Variants in PCDHGA7 observed in about 807,000 individuals in gnomAD.
The protein encoded by PCDHGA7 is protocadherin gamma-A7.
A neutral mutation model predicts 58.3 loss-of-function variants in PCDHGA7; 44 were observed. The ratio of observed to expected loss-of-function variants is 0.75; its 90% CI spans 0.59 to 0.97. The LOEUF (loss-of-function observed/expected upper bound fraction) is 0.97, where lower values mean the gene tolerates loss of function less well. Among genes scored for constraint, PCDHGA7 ranks in the 50% least tolerant of loss-of-function variants. PCDHGA7 has a pLI of 0.00. For missense variants in PCDHGA7, 1,266 were observed against 1,188.7 expected, an observed-to-expected ratio of 1.06 and a Z score of -0.96; for synonymous variants, 516 against 504.2, an observed-to-expected ratio of 1.02 and a Z score of -0.31.
At chr5:141,398,207 C>T (rs1368284039) in intron 1 of PCDHGA7, 3 of 1,488,636 alleles carry the variant, frequency 2.0e-6, no homozygotes, top group South Asian at 2.6e-5. Flanking sequence ...TTGTTCTGCC[C>T]GGCGCTCTGT....
intron 1 of PCDHGA7, chr5:141,412,862 T>A (rs957973834): frequency 7.5e-5 from 18 of 241,156 alleles, no homozygotes; most frequent in African/African-American, 3.4e-4. Context: ...AAAGAATCTA[T>A]GTAAAATATA....
intron 1 of PCDHGA7, chr5:141,420,931 AATC>A: frequency 2.7e-6 from 1 of 369,128 alleles, no homozygotes; most frequent in African/African-American, 2.1e-5. Context: ...AGGTGAGCGT[AATC>A]ATTTCTTCTG....
rs751421323 is a variant in PCDHGA7 at position 141,384,536 on chromosome 5, T to C, written c.1637T>C (p.Met546Thr). The change falls in exon 1 of 4, where the codon ATG becomes ACG. Residue 546 changes from methionine to threonine, a missense_variant. By Grantham distance (81) the Met-to-Thr change is moderately conservative. Coordinates refer to ENST00000518325, the MANE Select transcript of PCDHGA7 (RefSeq NM_018920.4). Reference sequence around the variant, plus strand: ...GGGGACCCGCCTCTCAGCAGCAACATGTCACTGAGCCTGTTCGTGCTGGAC... The same window carrying C: ...GGGGACCCGCCTCTCAGCAGCAACACGTCACTGAGCCTGTTCGTGCTGGAC... ...DSGDPPLSSN[M>T]SLSLFVLDQN... 1 of 1,614,204 alleles carries C rather than the reference T, an allele frequency of 6.2e-7. No homozygotes were observed. The highest frequency in any genetic ancestry group is 8.5e-7 in the Non-Finnish European group (1 of 1,180,026).
At position 141,382,930 on chromosome 5, in the gene PCDHGA7, A is replaced by G. The variant is rs1292069137; in HGVS notation, c.31A>G (p.Arg11Gly). 5.7e-6 allele frequency: 9 copies of G among 1,583,428 alleles called. No individual in the cohort carries two copies. The highest frequency in any genetic ancestry group is 4.5e-5 in the East Asian group (2 of 44,426). Residue 11 changes from arginine to glycine, a missense_variant, in exon 1 of 4, where the codon AGA (arginine) becomes GGA (glycine). By Grantham distance (125) the Arg-to-Gly change is moderately radical. Transcript: ENST00000518325. MAAQPRGGDY[R>G]GFFLLSILLG... The stretch of plus-strand genomic sequence containing the variant: ...GGCTCAGCCGAGGGGCGGGGACTAC[A>G]GAGGATTCTTCCTGCTCTCCATCCT...
rs1298454674 is a variant in PCDHGA7, at chr5:141,438,625, TATATATATATAC to T, written c.2424+53304_2424+53315del. 7.7e-3 allele frequency among the ~76,000 whole-genome samples: 357 copies of T among 46,390 alleles called. 5 individuals are homozygous for T. The East Asian group carries it at 0.082, about 11-fold the overall frequency. 30.4% of individuals were successfully genotyped at this position (46,390 alleles called of 152,430 possible). A position where few individuals can be genotyped will look rare whatever the true frequency, so the allele number is the denominator to read the frequency against. On this transcript the variant is annotated intron_variant, in intron 1 of 3. Transcript: ENST00000518325. ...ATATATATATATATATATATATATATATATATATATACACACACACACACACATATATGTATA... is the reference window on the plus strand; with the variant it reads ...ATATATATATATATATATATATATATACACACACACACACATATATGTATA...
chr5:141,413,446 G>A, intron 1 of PCDHGA7: 1 of 1,614,130 alleles, frequency 6.2e-7, no homozygotes. Context: ...CTTGATCACC[G>A]CGGGCAGGAT....
rs1485167379 is a variant in PCDHGA7, at chr5:141,485,881, C to T, written c.2425-8926C>T. 5.0e-6 allele frequency: 8 copies of T among 1,613,984 alleles called. No homozygotes were observed. Among genetic ancestry groups the T allele is most frequent in the East Asian group, 2.2e-5 (1 of 44,880 alleles). On this transcript the variant is annotated intron_variant, in intron 1 of 3. Transcript: ENST00000518325. The surrounding 1 kb of genome is among the most constrained non-coding windows in gnomAD (Gnocchi z 5.7). ...TCCGGGTATCCGTGCTGGACGTAAACGACAACGCCCCAGCCTTCCAGCAAT... is the reference window on the plus strand; with the variant it reads ...TCCGGGTATCCGTGCTGGACGTAAATGACAACGCCCCAGCCTTCCAGCAAT...
At chr5:141,422,013 G>A (rs755656791) in intron 1 of PCDHGA7, 1 of 1,610,536 alleles carries the variant, frequency 6.2e-7, no homozygotes. Context: ...GAACTCGGGT[G>A]CTGATGGTTA....
At position 141,432,900 on chromosome 5, in the gene PCDHGA7, T is replaced by A. The variant is rs139221180; in HGVS notation, c.2424+47577T>A. ...GCCTTCGTCATCTTGCTGCTGGCGCTCAGGCTGCGGCGCTGGCACAAGTCA... is the reference window on the plus strand; with the variant it reads ...GCCTTCGTCATCTTGCTGCTGGCGCACAGGCTGCGGCGCTGGCACAAGTCA... On this transcript the variant is annotated intron_variant, in intron 1 of 3. Transcript: ENST00000518325. The surrounding 1 kb of genome is among the most constrained non-coding windows in gnomAD (Gnocchi z 6.0). The A allele has an allele frequency of 7.9e-5, 128 of 1,614,174 alleles. No homozygotes were observed. The highest frequency in any genetic ancestry group is 7.4e-4 in the East Asian group (33 of 44,868).
intron 1 of PCDHGA7, among the ~76,000 whole-genome samples, chr5:141,482,447 T>C (rs2099560010): frequency 6.7e-6 from 1 of 149,882 alleles, no homozygotes; most frequent in East Asian, 1.9e-4. Flanking sequence ...ATTCACCATT[T>C]ATTAGCATCC....
Position 141,436,047 on chromosome 5 carries a change from T to G in PCDHGA7, c.2424+50724T>G, listed in dbSNP as rs141900903. On this transcript the variant is annotated intron_variant, in intron 1 of 3. Transcript: ENST00000518325. ...ATACTAAATTTGTATTTACATTAGT[T>G]TTCAAATAGAATTTAATAAGTACAG... is the stretch of plus-strand genomic sequence containing the variant. Among the ~76,000 whole-genome samples the G allele has an allele frequency of 1.0e-2, 1,517 of 152,280 alleles. 31 individuals carry two copies. The highest frequency in any genetic ancestry group is 0.034 in the African/African-American group (1,420 of 41,552).
chr5:141,418,776 C>G (rs763308217), intron 1 of PCDHGA7: 1 of 1,613,806 alleles, frequency 6.2e-7, no homozygotes, highest in East Asian at 2.2e-5. Flanking sequence ...ACTCAGCAGC[C>G]TTTGGATTTT....
At chr5:141,427,694 A>G in intron 1 of PCDHGA7, 2 of 913,934 alleles carry the variant, frequency 2.2e-6, no homozygotes, top group South Asian at 1.4e-5. Flanking sequence ...CCTCCATCCC[A>G]CAAGTCAGCG....
chr5:141,395,162 G>C, intron 1 of PCDHGA7: 1 of 1,614,148 alleles, frequency 6.2e-7, no homozygotes, highest in Non-Finnish European at 8.5e-7. Flanking sequence ...TCAGTCAGGA[G>C]GGCTGTGAGA....
intron 1 of PCDHGA7, among the ~76,000 whole-genome samples, chr5:141,453,850 CT>C (rs1465668273): frequency 1.3e-5 from 2 of 152,148 alleles, no homozygotes; most frequent in Non-Finnish European, 2.9e-5. Context: ...CCACAGAGCA[CT>C]TTGAAAATAA....
intron 1 of PCDHGA7, among the ~76,000 whole-genome samples, chr5:141,479,041 C>T (rs1346986831): frequency 1.2e-4 from 18 of 152,100 alleles, no homozygotes; most frequent in Admixed American, 1.2e-3. Flanking sequence ...AGATCGTGTA[C>T]CTCATTCTCA....
At position 141,497,540 on chromosome 5, in the gene PCDHGA7, C is replaced by CT. The variant is rs754207034; in HGVS notation, c.2483+2693dup. On this transcript the variant is annotated intron_variant, in intron 2 of 3. Transcript: ENST00000518325. Reference sequence around the variant, plus strand: ...TTAACTTGTGGAGGATGCAACAAACCTTTTTTTTTTTTTTTTTTAGACAGA... The same window carrying CT: ...TTAACTTGTGGAGGATGCAACAAACCTTTTTTTTTTTTTTTTTTTAGACAGA... Among the ~76,000 whole-genome samples, 618 of 134,908 alleles carry CT rather than the reference C, an allele frequency of 4.6e-3. 3 individuals carry two copies. The highest frequency in any genetic ancestry group is 0.012 in the African/African-American group (419 of 35,974). 88.5% of individuals were successfully genotyped at this position (134,908 alleles called of 152,430 possible). A position where few individuals can be genotyped will look rare whatever the true frequency, so the allele number is the denominator to read the frequency against.
intron 1 of PCDHGA7, among the ~76,000 whole-genome samples, chr5:141,449,978 T>A (rs1025332419): frequency 6.6e-6 from 1 of 151,030 alleles, no homozygotes; most frequent in Non-Finnish European, 1.5e-5. Context: ...GTCCAAAATA[T>A]CACACATTGC....
At chr5:141,395,538 T>C (rs1459118809) in intron 1 of PCDHGA7, 1 of 225,772 alleles carries the variant, frequency 4.4e-6, no homozygotes, top group Non-Finnish European at 7.1e-6. Context: ...AATTTTGCTA[T>C]TGTTTGTGTG....
Sources: gnomAD v4.1 joint callset for allele counts (sites outside exome capture counted in the v4.1 genomes callset) on GRCh38, gnomAD v4.1.1 for gene constraint, Gnocchi (gnomAD v3.1) non-coding constraint, MANE v1.5 for transcripts, NCBI Gene and HGNC (gene_info 2026-07-23, HGNC 2026-07-21) for gene names.